RNF38: variants seen among roughly 807,000 people sequenced by gnomAD.
RNF38 encodes the protein E3 ubiquitin-protein ligase RNF38.
Under a neutral mutation model 67.2 loss-of-function variants are expected in RNF38, and 15 were observed. That is an observed-to-expected ratio of 0.22 (90% CI 0.15 to 0.34). The LOEUF (loss-of-function observed/expected upper bound fraction) is 0.34. Among genes scored for constraint, RNF38 ranks in the 10% least tolerant of loss-of-function variants. The probability of loss-of-function intolerance (pLI) is 1.00; values close to 1 mark genes in which losing one functional copy is unlikely to be tolerated. For synonymous variants in RNF38, 220 were observed against 218.8 expected, an observed-to-expected ratio of 1.01 and a Z score of -0.05; for missense variants, 524 against 639.9, an observed-to-expected ratio of 0.82 and a Z score of 1.95.
intron 2 of RNF38, among the ~76,000 whole-genome samples, chr9:36,414,755 C>T (rs372976708): frequency 6.7e-6 from 1 of 150,144 alleles, no homozygotes. Context: ...TTGGTGGTGT[C>T]GAATTCTCTC....
intron 2 of RNF38, among the ~76,000 whole-genome samples, chr9:36,420,877 A>T (rs1838606062): frequency 6.6e-6 from 1 of 152,196 alleles, no homozygotes. Context: ...AACTCACAGG[A>T]TTTAATAATT....
intron 4 of RNF38, among the ~76,000 whole-genome samples, chr9:36,359,851 T>A (rs1834391777): frequency 6.6e-6 from 1 of 151,714 alleles, no homozygotes; most frequent in African/African-American, 2.4e-5. Context: ...TTTCAAGCAA[T>A]TCTCCTACCT....
At chr9:36,356,200 G>T in intron 6 of RNF38, 103 bp downstream of exon 6, 2 of 1,118,012 alleles carry the variant, frequency 1.8e-6, no homozygotes, top group Non-Finnish European at 2.6e-6. Context: ...GCATTCGTCT[G>T]GTTCTTAAAT....
intron 2 of RNF38, among the ~76,000 whole-genome samples, chr9:36,413,030 C>T (rs996566465): frequency 2.6e-4 from 40 of 152,000 alleles, no homozygotes; most frequent in Admixed American, 2.4e-3. Context: ...TGAGATCAAG[C>T]CATTGCACTC....
At chr9:36,449,768 C>CAT (rs1407198442) in intron 1 of RNF38, among the ~76,000 whole-genome samples, 2 of 152,160 alleles carry the variant, frequency 1.3e-5, no homozygotes, top group Non-Finnish European at 2.9e-5. Flanking sequence ...AACACAAAAA[C>CAT]ATTTGCAGGT....
intron 2 of RNF38, among the ~76,000 whole-genome samples, chr9:36,382,894 A>C (rs1462679752): frequency 6.6e-6 from 1 of 152,188 alleles, no homozygotes; most frequent in Non-Finnish European, 1.5e-5. Flanking sequence ...TTCTTATTCC[A>C]CAATTAAGGA....
chr9:36,338,810 GAAAA>G lies in RNF38; in HGVS notation c.*938_*941del, dbSNP rs535857199. 13 of 151,842 alleles carry G rather than the reference GAAAA, an allele frequency of 8.6e-5. No homozygotes were observed. The highest frequency in any genetic ancestry group is 3.2e-4 in the African/African-American group (13 of 41,220). 9.4% of individuals were successfully genotyped at this position (151,842 alleles called of 1,614,324 possible). A position where few individuals can be genotyped will look rare whatever the true frequency, so the allele number is the denominator to read the frequency against. ...TAAGAAACTTACTGGAAATGTAAAG[GAAAA>G]AAAAGTATCAACATTCAAATCACTG... On this transcript the variant is annotated 3_prime_UTR_variant, in exon 12 of 12. Transcript: ENST00000259605.
chr9:36,421,831 G>A (rs993020572), intron 2 of RNF38, among the ~76,000 whole-genome samples: 5 of 152,146 alleles, frequency 3.3e-5, no homozygotes, highest in African/African-American at 1.2e-4. Context: ...CAATACCCAC[G>A]TGTCATAGAA....
At chr9:36,474,868 G>A (rs1220202780) in intron 1 of RNF38, among the ~76,000 whole-genome samples, 2 of 147,934 alleles carry the variant, frequency 1.4e-5, no homozygotes, top group Admixed American at 6.8e-5. Context: ...AGGGCCGGGC[G>A]CGGTGCCTCA....
chr9:36,366,842 T>C (rs1835006607), intron 4 of RNF38, among the ~76,000 whole-genome samples: 1 of 152,198 alleles, frequency 6.6e-6, no homozygotes, highest in Admixed American at 6.5e-5. Context: ...TGTTTATTGC[T>C]CGCTGTTCTT....
intron 1 of RNF38, among the ~76,000 whole-genome samples, chr9:36,432,369 G>A (rs1374205408): frequency 6.6e-6 from 1 of 151,960 alleles, no homozygotes; most frequent in East Asian, 1.9e-4. Flanking sequence ...ACCAGACCTC[G>A]TGATCCACCT....
At chr9:36,365,670 T>TTG (rs1834890544) in intron 4 of RNF38, among the ~76,000 whole-genome samples, 1 of 141,262 alleles carries the variant, frequency 7.1e-6, no homozygotes, top group Middle Eastern at 3.5e-3. Context: ...TAGTTTTTTT[T>TTG]TTTTTTTTTT....
intron 1 of RNF38, among the ~76,000 whole-genome samples, chr9:36,468,210 C>T (rs1016035728): frequency 6.6e-6 from 1 of 150,804 alleles, no homozygotes; most frequent in Non-Finnish European, 1.5e-5. Flanking sequence ...CCACTGTACT[C>T]CAGCCTGCTG....
intron 1 of RNF38, among the ~76,000 whole-genome samples, chr9:36,480,190 G>A (rs1840217039): frequency 6.6e-6 from 1 of 152,086 alleles, no homozygotes. Context: ...TGTTGCTCAG[G>A]CTGGTCTCAA....
chr9:36,439,466 C>T (rs1391826766), intron 1 of RNF38, among the ~76,000 whole-genome samples: 2 of 152,002 alleles, frequency 1.3e-5, no homozygotes, highest in Non-Finnish European at 2.9e-5. Context: ...GTAAAGAACA[C>T]AGCACTGTGG....
chr9:36,447,142 A>T (rs1413731638), intron 1 of RNF38, among the ~76,000 whole-genome samples: 2 of 151,688 alleles, frequency 1.3e-5, no homozygotes, highest in African/African-American at 2.4e-5. Flanking sequence ...AAAAAAAAAA[A>T]TTTAAATCTG....
intron 1 of RNF38, among the ~76,000 whole-genome samples, chr9:36,425,935 ATCTGCCTGCC>A: frequency 6.6e-6 from 1 of 152,280 alleles, no homozygotes. Context: ...TGACCTCATG[ATCTGCCTGCC>A]TCTGCCTCCC....
At chr9:36,400,935 CCCCGCCTCGG>C (rs1329881230), upstream of RNF38, 12 of 985,164 alleles carry the variant, frequency 1.2e-5, no homozygotes, top group South Asian at 1.8e-4. Flanking sequence ...CCCCGCCTCA[CCCCGCCTCGG>C]CGATCACAGA....
chr9:36,381,515 G>T (rs1836211722), intron 2 of RNF38, among the ~76,000 whole-genome samples: 1 of 152,168 alleles, frequency 6.6e-6, no homozygotes. Flanking sequence ...ATTATAAACA[G>T]GACCTAAGGC....
Sources: allele counts gnomAD v4.1 joint callset (sites outside exome capture counted in the v4.1 genomes callset), GRCh38; gene constraint gnomAD v4.1.1; transcripts MANE v1.5; gene names NCBI Gene and HGNC (gene_info 2026-07-23, HGNC 2026-07-21).